Variants in TDRP observed in about 807,000 individuals in gnomAD.
TDRP encodes testis development related protein, also known as testis development-related protein.
In TDRP, 12 loss-of-function variants were observed where a neutral mutation model predicts 10.5. That is an observed-to-expected ratio of 1.15 (90% CI 0.73 to 1.86). The LOEUF is 1.86. TDRP is among the 40% of genes most tolerant of loss of function. The pLI is 0.00. For missense variants in TDRP, 353 were observed against 229.2 expected (o/e 1.54, Z -3.49); for synonymous variants, 139 against 95.4 (o/e 1.46, Z -2.67).
At position 490,313 on chromosome 8, in the gene TDRP, C is replaced by T. The variant is rs189651648; in HGVS notation, c.*2086G>A. On this transcript the variant is annotated 3_prime_UTR_variant, in exon 3 of 3. Transcript: ENST00000324079. ...GATAAGAAAAATTTGATTTACAGTG[C>T]ATATTCCAATCCCAATCTGGGTTTG... 2.0e-5 allele frequency: 3 copies of T among 152,246 alleles called. No homozygotes were observed. Among genetic ancestry groups the T allele is most frequent in the Non-Finnish European group, 1.5e-5 (1 of 68,028 alleles). The allele number at this position is 152,246 out of a possible 1,614,324, so 9.4% of individuals were successfully genotyped here.
intron 2 of TDRP, among the ~76,000 whole-genome samples, chr8:493,760 G>GTT (rs146902384): frequency 9.9e-5 from 15 of 151,626 alleles, no homozygotes; most frequent in Non-Finnish European, 1.9e-4. Flanking sequence ...TTTTAACAGT[G>GTT]TTTTTTTTGG....
intron 1 of TDRP, among the ~76,000 whole-genome samples, chr8:524,376 T>A (rs149923237): frequency 6.6e-6 from 1 of 152,214 alleles, no homozygotes; most frequent in African/African-American, 2.4e-5. Context: ...TACTAACTCT[T>A]CAATGCCCAG....
At chr8:517,157 G>A (rs896978862) in intron 1 of TDRP, among the ~76,000 whole-genome samples, 1 of 152,102 alleles carries the variant, frequency 6.6e-6, no homozygotes, top group Non-Finnish European at 1.5e-5. Flanking sequence ...GAGACCTTAA[G>A]ACTGACAGAA....
intron 1 of TDRP, among the ~76,000 whole-genome samples, chr8:543,778 T>C (rs1395381091): frequency 6.6e-6 from 1 of 152,098 alleles, no homozygotes; most frequent in African/African-American, 2.4e-5. Context: ...GGAAGACAGG[T>C]ACAAATCCTT....
intron 1 of TDRP, among the ~76,000 whole-genome samples, chr8:500,945 A>T (rs139588971): frequency 6.6e-6 from 1 of 152,062 alleles, no homozygotes; most frequent in South Asian, 2.1e-4. Context: ...GGTGTCTCAC[A>T]CCTGTAATCC....
intron 1 of TDRP, among the ~76,000 whole-genome samples, chr8:541,882 C>T (rs907758131): frequency 3.3e-5 from 5 of 152,158 alleles, no homozygotes; most frequent in African/African-American, 7.2e-5. Context: ...ACCATGCAAT[C>T]CAGCAATCAG....
chr8:544,331 C>A (rs1182988940), intron 1 of TDRP, among the ~76,000 whole-genome samples: 1 of 151,988 alleles, frequency 6.6e-6, no homozygotes, highest in Non-Finnish European at 1.5e-5. Flanking sequence ...CCTGGGACTG[C>A]GCCCCGAGTA....
chr8:544,435 G>C (rs1049223333), intron 1 of TDRP, among the ~76,000 whole-genome samples: 7 of 152,064 alleles, frequency 4.6e-5, no homozygotes, highest in Non-Finnish European at 1.0e-4. Flanking sequence ...GGACCACAGC[G>C]GCAACTCAGC....
At chr8:545,004 C>T (rs1802603143), upstream of TDRP, 3 of 307,884 alleles carry the variant, frequency 9.7e-6, no homozygotes, top group Non-Finnish European at 1.8e-5. Flanking sequence ...CCAAGCCCTC[C>T]TCAGGACCAG....
chr8:522,920 AAAGT>A (rs1235853410), intron 1 of TDRP, among the ~76,000 whole-genome samples: 1 of 152,230 alleles, frequency 6.6e-6, no homozygotes, highest in Non-Finnish European at 1.5e-5. Context: ...CCTTATATCT[AAAGT>A]GAGTATCTTG....
chr8:491,661 C>G lies in TDRP; in HGVS notation c.*738G>C. On this transcript the variant is annotated 3_prime_UTR_variant, in exon 3 of 3. Transcript: ENST00000324079. The stretch of plus-strand genomic sequence containing the variant: ...ATCAACTGACTAAAATTGATCCATA[C>G]TTCTTTAATCTGTAAACAAAAAAGA... 1 of 1,521,608 alleles carries G rather than the reference C, an allele frequency of 6.6e-7. No individual in the cohort carries two copies. Among genetic ancestry groups the G allele is most frequent in the Middle Eastern group, 1.7e-4 (1 of 5,876 alleles). 94.3% of individuals were successfully genotyped at this position (1,521,608 alleles called of 1,614,324 possible).
chr8:531,926 T>C (rs2116856956), intron 1 of TDRP, among the ~76,000 whole-genome samples: 1 of 152,324 alleles, frequency 6.6e-6, no homozygotes, highest in East Asian at 1.9e-4. Flanking sequence ...TTTCAAGCAG[T>C]ACTCTGACAG....
intron 1 of TDRP, among the ~76,000 whole-genome samples, chr8:508,158 G>A (rs1351527607): frequency 6.6e-6 from 1 of 152,182 alleles, no homozygotes; most frequent in Non-Finnish European, 1.5e-5. Context: ...GAGAATGCCA[G>A]TAAAGAGACA....
At chr8:504,246 T>C (rs1480466576) in intron 1 of TDRP, among the ~76,000 whole-genome samples, 1 of 152,230 alleles carries the variant, frequency 6.6e-6, no homozygotes, top group African/African-American at 2.4e-5. Flanking sequence ...ACATATCTTT[T>C]AAAAACAAAC....
At chr8:527,023 G>C (rs1802052554) in intron 1 of TDRP, among the ~76,000 whole-genome samples, 1 of 152,186 alleles carries the variant, frequency 6.6e-6, no homozygotes, top group South Asian at 2.1e-4. Context: ...GGGAGGCTGA[G>C]ATGGGAGGAT....
At position 491,788 on chromosome 8, in the gene TDRP, A is replaced by C. The variant is rs957670616; in HGVS notation, c.*611T>G. The C allele has an allele frequency of 6.2e-6, 8 of 1,282,818 alleles. No homozygotes were observed. Among genetic ancestry groups the C allele is most frequent in the Middle Eastern group, 5.9e-4 (2 of 3,388 alleles). The allele number at this position is 1,282,818 out of a possible 1,614,324, so 79.5% of individuals were successfully genotyped here. On this transcript the variant is annotated 3_prime_UTR_variant, in exon 3 of 3. Transcript: ENST00000324079. ...CACTGTTACTATCCAGTGGACATAC[A>C]AGAAGCTATTCCTCCCTCAGCAAAA...
chr8:524,548 A>G (rs948214133), intron 1 of TDRP, among the ~76,000 whole-genome samples: 1 of 152,236 alleles, frequency 6.6e-6, no homozygotes, highest in Non-Finnish European at 1.5e-5. Flanking sequence ...ACAGAGAAGG[A>G]ATTCAGAATC....
rs953224623 is a variant in TDRP at position 535,850 on chromosome 8, C to T, written c.108+8800G>A. 4.6e-5 allele frequency among the ~76,000 whole-genome samples: 7 copies of T among 151,946 alleles called. No individual in the cohort carries two copies. In the South Asian group the frequency reaches 8.4e-4, roughly 18 times the overall value. On this transcript the variant is annotated intron_variant, in intron 1 of 2. Transcript: ENST00000324079. ...GTCTCAGCGTAGGGGTGGGCCCACC[C>T]GAGGCAGGTGTGAGTGTAGGGGTGG...
intron 1 of TDRP, among the ~76,000 whole-genome samples, chr8:539,672 G>T (rs1209310813): frequency 6.6e-6 from 1 of 152,286 alleles, no homozygotes; most frequent in Admixed American, 6.5e-5. Flanking sequence ...TACAAGCAGG[G>T]AGAGAAAGGC....
Sources: allele counts gnomAD v4.1 joint callset (sites outside exome capture counted in the v4.1 genomes callset), GRCh38; gene constraint gnomAD v4.1.1; transcripts MANE v1.5; gene names NCBI Gene and HGNC (gene_info 2026-07-23, HGNC 2026-07-21).